Variants in AMMECR1 observed in about 807,000 individuals in gnomAD.
AMMECR1 encodes nuclear protein AMMECR1.
AMMECR1 carries 3 observed loss-of-function variants against 22.5 expected under a neutral mutation model. The ratio of observed to expected loss-of-function variants is 0.13; its 90% confidence interval spans 0.06 to 0.35. The LOEUF is 0.35. Ranked by LOEUF, AMMECR1 falls within the 10% of genes least tolerant of loss-of-function variation. AMMECR1 has a pLI of 1.00. For missense variants in AMMECR1, 235 were observed against 278.7 expected (o/e 0.84, Z 1.12); for synonymous variants, 130 against 116.7 (o/e 1.11, Z -0.74).
chrX:110,211,442 A>T (rs1034445753), intron 3 of AMMECR1, among the ~76,000 whole-genome samples: 2 of 112,326 alleles, frequency 1.8e-5, no homozygotes, highest in Non-Finnish European at 3.8e-5. Context: ...GATTTTTAAA[A>T]AGGAAACATG....
At chrX:110,287,350 T>G (rs2067885701) in intron 1 of AMMECR1, among the ~76,000 whole-genome samples, 1 of 112,214 alleles carries the variant, frequency 8.9e-6, no homozygotes, top group African/African-American at 3.2e-5. Flanking sequence ...TGACAAAAAC[T>G]GTCAAATTGT....
chrX:110,370,796 T>C (rs2068333099), intron 2 of AMMECR1, among the ~76,000 whole-genome samples: 1 of 112,153 alleles, frequency 8.9e-6, no homozygotes, highest in South Asian at 3.8e-4. Flanking sequence ...AACTCACATA[T>C]AACACATCCA....
chrX:110,230,732 A>G (rs1199547573), intron 2 of AMMECR1, among the ~76,000 whole-genome samples: 1 of 112,006 alleles, frequency 8.9e-6, no homozygotes, highest in Non-Finnish European at 1.9e-5. Flanking sequence ...ACAAACTTCT[A>G]CGAGCTGAAG....
chrX:110,356,305 T>A (rs57545865), intron 2 of AMMECR1, among the ~76,000 whole-genome samples: 6,692 of 108,389 alleles, frequency 0.062, 527 homozygotes, highest in African/African-American at 0.21. Flanking sequence ...GGCATGTACC[T>A]CCACACCCAG....
chrX:110,270,291 T>C (rs1054785976), intron 1 of AMMECR1, among the ~76,000 whole-genome samples: 5 of 111,743 alleles, frequency 4.5e-5, no homozygotes, highest in East Asian at 2.8e-4. Context: ...TAGTTTAAAG[T>C]GTATATAACA....
intron 1 of AMMECR1, among the ~76,000 whole-genome samples, chrX:110,289,185 A>G (rs1398512750): frequency 8.9e-6 from 1 of 111,811 alleles, no homozygotes; most frequent in East Asian, 2.8e-4. Context: ...CCCATGTATT[A>G]TCATAAATAC....
chrX:110,398,578 A>T lies in AMMECR1; in HGVS notation c.-148+28080T>A, dbSNP rs141834452. 1.9e-3 allele frequency among the ~76,000 whole-genome samples: 215 copies of T among 112,322 alleles called. 1 individual carries two copies. The highest frequency in any genetic ancestry group is 6.1e-3 in the African/African-American group (189 of 30,948). Reference sequence around the variant, plus strand: ...TTTACAAATGATGAAACTGGGGCTCAGAGAGGTTAGTGACTTGCCCAAGGT... The same window carrying T: ...TTTACAAATGATGAAACTGGGGCTCTGAGAGGTTAGTGACTTGCCCAAGGT... On this transcript the variant is annotated intron_variant, in intron 2 of 7. Coordinates refer to the AMMECR1 transcript ENST00000372057.
At chrX:110,318,126 C>A (rs1170695168), upstream of AMMECR1, 52 of 1,040,060 alleles carry the variant, frequency 5.0e-5, no homozygotes, top group Middle Eastern at 3.8e-4. Flanking sequence ...GGCGAGCTGG[C>A]GGCGGGGGCG....
At chrX:110,420,176 C>T (rs939130311) in intron 2 of AMMECR1, among the ~76,000 whole-genome samples, 2 of 111,898 alleles carry the variant, frequency 1.8e-5, no homozygotes, top group East Asian at 5.6e-4. Flanking sequence ...ACAGCACTGG[C>T]CACATTGCAG....
intron 2 of AMMECR1, among the ~76,000 whole-genome samples, chrX:110,330,806 A>C (rs2068117794): frequency 9.0e-6 from 1 of 111,303 alleles, no homozygotes. Context: ...ACATTCTTCC[A>C]TATTACCTTT....
At chrX:110,415,452 G>A (rs891837939) in intron 2 of AMMECR1, among the ~76,000 whole-genome samples, 1 of 111,776 alleles carries the variant, frequency 8.9e-6, no homozygotes, top group Non-Finnish European at 1.9e-5. Context: ...ATGTTCTTTA[G>A]TGCTGCTTTT....
chrX:110,218,772 A>C (rs1467063160), intron 2 of AMMECR1, among the ~76,000 whole-genome samples: 3 of 110,994 alleles, frequency 2.7e-5, no homozygotes, highest in African/African-American at 9.8e-5. Flanking sequence ...TCCTTAAAAG[A>C]AACTACGTAC....
rs768345152 is a variant in AMMECR1 at position 110,312,552 on chromosome X, T to TG, written c.473+5046dup. ...TAAATTATCACTCCCTTTGGCCATA[T>TG]GGGGGAGAAAGCAAAATAAGCATTT... On this transcript the variant is annotated intron_variant, in intron 1 of 5. Transcript: ENST00000262844. Among the ~76,000 whole-genome samples, 4 of 112,080 alleles carry TG rather than the reference T, an allele frequency of 3.6e-5. No individual in the cohort carries two copies. In the Admixed American group the frequency reaches 3.8e-4, roughly 11 times the overall value.
rs781000543 is a variant in AMMECR1, at chrX:110,369,540, AT to A, written c.-147-51692del. On this transcript the variant is annotated intron_variant, in intron 2 of 7. Coordinates refer to the AMMECR1 transcript ENST00000372057. Reference sequence around the variant, plus strand: ...ATTTCTAAACTGGAATTATAGCACAATTTTTTTAGAAACAGAAGTTAGATGA... The same window carrying A: ...ATTTCTAAACTGGAATTATAGCACAATTTTTTAGAAACAGAAGTTAGATGA... Among the ~76,000 whole-genome samples the A allele has an allele frequency of 2.7e-5, 3 of 110,636 alleles. No homozygotes were observed. In the East Asian group the frequency reaches 8.5e-4, roughly 31 times the overall value.
intron 1 of AMMECR1, among the ~76,000 whole-genome samples, chrX:110,282,545 TATC>T (rs1315125662): frequency 8.9e-6 from 1 of 111,898 alleles, no homozygotes; most frequent in Non-Finnish European, 1.9e-5. Flanking sequence ...TTATTAATGC[TATC>T]ATCATTTTGG....
rs769793813 is a variant in AMMECR1 at position 110,251,620 on chromosome X, G to A, written c.584+12869C>T. On this transcript the variant is annotated intron_variant, in intron 2 of 5. Coordinates refer to ENST00000262844, the MANE Select transcript of AMMECR1 (RefSeq NM_015365.3). ...GATTGGTGTACAATGGCTTCAAAGG[G>A]AAGCAGGGAAACCAGTGAGCCAGAA... is the stretch of plus-strand genomic sequence containing the variant. Among the ~76,000 whole-genome samples the A allele has an allele frequency of 3.6e-5, 4 of 112,080 alleles. No individual in the cohort carries two copies. In the East Asian group the frequency reaches 1.1e-3, roughly 31 times the overall value.
At chrX:110,260,049 G>A (rs998106024) in intron 2 of AMMECR1, among the ~76,000 whole-genome samples, 23 of 111,327 alleles carry the variant, frequency 2.1e-4, no homozygotes, top group African/African-American at 5.9e-4. Flanking sequence ...CCTTCAGCTC[G>A]GACAAAGAAT....
intron 1 of AMMECR1, among the ~76,000 whole-genome samples, chrX:110,278,132 A>G (rs1362020156): frequency 8.9e-6 from 1 of 112,178 alleles, no homozygotes; most frequent in African/African-American, 3.2e-5. Flanking sequence ...ATCTTGTAAT[A>G]ACAATGCCAT....
At chrX:110,385,363 ATC>A (rs2068447996) in intron 2 of AMMECR1, among the ~76,000 whole-genome samples, 1 of 111,858 alleles carries the variant, frequency 8.9e-6, no homozygotes, top group Non-Finnish European at 1.9e-5. Flanking sequence ...TGTGAATTAT[ATC>A]TCAATAAATT....
Sources: allele counts gnomAD v4.1 joint callset (sites outside exome capture counted in the v4.1 genomes callset), GRCh38; gene constraint gnomAD v4.1.1; transcripts MANE v1.5; gene names NCBI Gene and HGNC (gene_info 2026-07-23, HGNC 2026-07-21).